Variants in C3 observed in about 807,000 individuals in gnomAD.
C3 encodes C3 and PZP-like alpha-2-macroglobulin domain-containing protein 1.
In C3, 97 loss-of-function variants were observed where a neutral mutation model predicts 207.9. The ratio of observed to expected loss-of-function variants is 0.47; its 90% CI spans 0.40 to 0.55. The LOEUF (loss-of-function observed/expected upper bound fraction) is 0.55. C3 is among the 20% of genes least tolerant of loss of function. The pLI is 0.00. For synonymous variants in C3, 848 were observed against 857.6 expected (o/e 0.99, Z 0.20); for missense variants, 1,684 against 2,171.7 (o/e 0.78, Z 4.46).
At position 6,718,235 on chromosome 19, in the gene C3, C is replaced by T. The variant is rs1021094982; in HGVS notation, c.433+12G>A. The T allele has an allele frequency of 8.1e-6, 13 of 1,614,164 alleles. No homozygotes were observed. The highest frequency in any genetic ancestry group is 2.7e-5 in the African/African-American group (2 of 75,040). On this transcript the variant is annotated intron_variant, in intron 3 of 40. Coordinates refer to ENST00000245907, the MANE Select transcript of C3 (RefSeq NM_000064.4). ...CCGGTGCCCCGCCCTCTCCAGCCGCCCCCAGCCTCACCTGTGGAGCCAGGG... is the reference window on the plus strand; with the variant it reads ...CCGGTGCCCCGCCCTCTCCAGCCGCTCCCAGCCTCACCTGTGGAGCCAGGG...
At chr19:6,678,610 C>A (rs906627397) in intron 38 of C3, among the ~76,000 whole-genome samples, 155 bp from the exon 39 acceptor site, 1 of 152,098 alleles carries the variant, frequency 6.6e-6, no homozygotes, top group Admixed American at 6.5e-5. Context: ...TCATTACACA[C>A]ACAACCATAG....
At chr19:6,699,331 C>G (rs1967600741) in intron 19 of C3, among the ~76,000 whole-genome samples, 1 of 150,698 alleles carries the variant, frequency 6.6e-6, no homozygotes. Flanking sequence ...GCCTCAGCCT[C>G]TGAAAGTAAT....
intron 32 of C3, 44 bp from the exon 33 acceptor site, chr19:6,684,483 G>T (rs1163285000): frequency 6.3e-7 from 1 of 1,587,046 alleles, no homozygotes; most frequent in East Asian, 2.2e-5. Context: ...GTATACCTGT[G>T]TGTTGATTCA....
intron 17 of C3, 100 bp downstream of exon 17, chr19:6,706,976 A>ACCCCCC: frequency 4.7e-6 from 1 of 211,960 alleles, no homozygotes; most frequent in South Asian, 4.5e-5. Context: ...GGCCTCCTCC[A>ACCCCCC]GCCCCACCCC....
chr19:6,695,580 A>G (rs1883157468), intron 23 of C3, among the ~76,000 whole-genome samples: 1 of 151,894 alleles, frequency 6.6e-6, no homozygotes, highest in African/African-American at 2.4e-5. Context: ...CCCACGTTCA[A>G]TCGATTATCC....
At chr19:6,686,370 A>C in intron 28 of C3, 83 bp from the exon 29 acceptor site, 1 of 1,454,834 alleles carries the variant, frequency 6.9e-7, no homozygotes, top group Non-Finnish European at 9.6e-7. Flanking sequence ...AAAGAGATGC[A>C]TGCTAGACTT....
chr19:6,687,012 C>A, intron 27 of C3, 110 bp from the exon 28 acceptor site: 3 of 1,147,850 alleles, frequency 2.6e-6, no homozygotes, highest in South Asian at 2.5e-5. Context: ...CCTTGGGACA[C>A]ACCTGTCTTA....
Position 6,700,300 on chromosome 19 carries a change from G to T in C3, c.2440+1827C>A, listed in dbSNP as rs1359506931. Among the ~76,000 whole-genome samples the T allele has an allele frequency of 5.0e-5, 3 of 60,524 alleles. 1 individual carries two copies. The highest frequency in any genetic ancestry group is 1.5e-4 in the African/African-American group (2 of 13,588). 39.7% of individuals were successfully genotyped at this position (60,524 alleles called of 152,430 possible). A position where few individuals can be genotyped will look rare whatever the true frequency, so the allele number is the denominator to read the frequency against. Reference sequence around the variant, plus strand: ...ATATAACATATTATATATGTGATATGCAATATATATTATATGTAATATAAC... The same window carrying T: ...ATATAACATATTATATATGTGATATTCAATATATATTATATGTAATATAAC... On this transcript the variant is annotated intron_variant, in intron 19 of 40. Transcript: ENST00000245907.
intron 17 of C3, among the ~76,000 whole-genome samples, chr19:6,703,717 A>C (rs766951163): frequency 1.5e-4 from 23 of 152,324 alleles, no homozygotes; most frequent in African/African-American, 5.5e-4. Context: ...TCTGAACATG[A>C]CTAGGTGAGC....
intron 34 of C3, 38 bp from the exon 35 acceptor site, chr19:6,682,068 A>G: frequency 1.2e-6 from 2 of 1,604,224 alleles, no homozygotes; most frequent in Non-Finnish European, 1.7e-6. Flanking sequence ...TCCCTCCTGG[A>G]CCCCTCTCTC....
chr19:6,718,481 C>G, intron 2 of C3, 69 bp from the exon 3 acceptor site: 1 of 1,588,744 alleles, frequency 6.3e-7, no homozygotes, highest in Non-Finnish European at 8.6e-7. Context: ...GCTTCCGGAT[C>G]TTGGGCTGGG....
intron 19 of C3, among the ~76,000 whole-genome samples, chr19:6,699,430 A>G (rs993062369): frequency 2.0e-5 from 3 of 152,088 alleles, no homozygotes; most frequent in African/African-American, 7.2e-5. Context: ...AGATCAAAGT[A>G]TTTCCAGTGA....
rs1332141872 is a variant in C3, at chr19:6,707,216, G to A, written c.2105C>T (p.Pro702Leu). Residue 702 changes from proline (P) to leucine (L), a missense_variant, in exon 17 of 41, where the codon CCC becomes CTC. By Grantham distance (98) the Pro-to-Leu change is moderately conservative. This residue lies in a region of C3 where 1,280 missense variants were observed against 1,739.1 expected (regional missense o/e 0.74). Transcript: ENST00000245907. Reference sequence around the variant, plus strand: ...CCGGCGCTGGCACGAGAACCTCATGGGGTTCTCCCGCATGCCGTCCTCGCA... The same window carrying A: ...CCGGCGCTGGCACGAGAACCTCATGAGGTTCTCCCGCATGCCGTCCTCGCA... Reference protein sequence around the residue: ...KCCEDGMRENPMRFSCQRRTR... With the variant: ...KCCEDGMRENLMRFSCQRRTR... 6.2e-6 allele frequency: 10 copies of A among 1,613,418 alleles called. No individual in the cohort carries two copies. The highest frequency in any genetic ancestry group is 8.5e-6 in the Non-Finnish European group (10 of 1,179,790).
At chr19:6,713,383 C>G (rs1231536788) in intron 8 of C3, 24 bp downstream of exon 8, 1 of 1,613,870 alleles carries the variant, frequency 6.2e-7, no homozygotes, top group Non-Finnish European at 8.5e-7. Context: ...GGGCAGGGAT[C>G]AAAGCGGCCT....
Position 6,719,403 on chromosome 19 carries a change from C to A in C3, c.75G>T (p.Met25Ile). 1 of 1,613,660 alleles carries A rather than the reference C, an allele frequency of 6.2e-7. No homozygotes were observed. The highest frequency in any genetic ancestry group is 1.1e-5 in the South Asian group (1 of 91,080). The change falls in exon 2 of 41, where the codon ATG (methionine) becomes ATT (isoleucine). Residue 25 changes from methionine to isoleucine, a missense_variant and splice_region_variant. Transcript: ENST00000245907. The surrounding 1 kb of genome is among the most constrained non-coding windows in gnomAD (Gnocchi z 5.4). ...THLPLALGSP[M>I]YSIITPNILR... Reference sequence around the variant, plus strand: ...AGATGTTGGGGGTGATGATAGAGTACCTGTCGGAGTGGGGCACGGGAGTGG... The same window carrying A: ...AGATGTTGGGGGTGATGATAGAGTAACTGTCGGAGTGGGGCACGGGAGTGG...
chr19:6,694,310 T>G (rs1247444967), intron 24 of C3, 121 bp downstream of exon 24: 7 of 825,112 alleles, frequency 8.5e-6, no homozygotes, highest in Admixed American at 2.1e-5. Flanking sequence ...ATGAGGGGAG[T>G]GGCTAGGAGA....
At position 6,677,851 on chromosome 19, in the gene C3, C is replaced by T. The variant is rs771420517; in HGVS notation, c.*31G>A. The stretch of plus-strand genomic sequence containing the variant: ...CCAGACACGTGAGATATAACTGAAG[C>T]TTTATCTGGAGTGGGGGAATGGGGG... On this transcript the variant is annotated 3_prime_UTR_variant, in exon 41 of 41. Coordinates refer to ENST00000245907, the MANE Select transcript of C3 (RefSeq NM_000064.4). The T allele has an allele frequency of 6.2e-7, 1 of 1,613,104 alleles. No homozygotes were observed. Among genetic ancestry groups the T allele is most frequent in the Non-Finnish European group, 8.5e-7 (1 of 1,179,716 alleles).
chr19:6,680,929 T>C (rs1464533167), intron 35 of C3, among the ~76,000 whole-genome samples: 2 of 152,056 alleles, frequency 1.3e-5, no homozygotes, highest in African/African-American at 4.8e-5. Flanking sequence ...GCAGGTGTGG[T>C]GGCTCATGCT....
Position 6,678,174 on chromosome 19 carries a change from C to T in C3, c.4828G>A (p.Asp1610Asn), listed in dbSNP as rs1204648676. 1.2e-6 allele frequency: 2 copies of T among 1,614,194 alleles called. No homozygotes were observed. The highest frequency in any genetic ancestry group is 1.7e-6 in the Non-Finnish European group (2 of 1,180,026). Residue 1610 changes from aspartate (D) to asparagine (N), a missense_variant, in exon 40 of 41, where the codon GAT (aspartate) becomes AAT (asparagine). Transcript: ENST00000245907. ...CACTTGGGCTTCTCTCCCCAGAAAT[C>T]GGAGGAGAGACCCCACATGAGGTAG... Reference protein sequence around the residue: ...KHYLMWGLSSDFWGEKPNLSY... With the variant: ...KHYLMWGLSSNFWGEKPNLSY...
Sources: allele counts gnomAD v4.1 joint callset (sites outside exome capture counted in the v4.1 genomes callset), GRCh38; gene constraint gnomAD v4.1.1; regional missense constraint gnomAD v4.1.1; non-coding constraint Gnocchi (gnomAD v3.1); transcripts MANE v1.5; gene names NCBI Gene and HGNC (gene_info 2026-07-23, HGNC 2026-07-21).